RASSF8: variants seen among roughly 807,000 people sequenced by gnomAD.
RASSF8 encodes ras association domain-containing protein 8.
Under a neutral mutation model 48.5 loss-of-function variants are expected in RASSF8, and 22 were observed. The ratio of observed to expected loss-of-function variants is 0.45; its 90% confidence interval spans 0.32 to 0.65. The LOEUF (loss-of-function observed/expected upper bound fraction) is 0.65. Ranked by LOEUF, RASSF8 falls within the 30% of genes least tolerant of loss-of-function variation. The probability of loss-of-function intolerance (pLI) is 0.03; values close to 1 mark genes in which losing one functional copy is unlikely to be tolerated. For missense variants in RASSF8, 418 were observed against 489.2 expected (o/e 0.85, Z 1.37); for synonymous variants, 127 against 171.5 (o/e 0.74, Z 2.03).
At chr12:26,077,776 TACTG>T (rs1353873373), downstream of RASSF8, among the ~76,000 whole-genome samples, 1 of 152,224 alleles carries the variant, frequency 6.6e-6, no homozygotes. Flanking sequence ...AACTTCATCT[TACTG>T]AATCATTGAA....
At chr12:26,016,641 A>G (rs1162793434) in intron 2 of RASSF8, among the ~76,000 whole-genome samples, 1 of 152,166 alleles carries the variant, frequency 6.6e-6, no homozygotes, top group Non-Finnish European at 1.5e-5. Flanking sequence ...TAAAATTTCT[A>G]AAAATCAACA....
At position 26,069,552 on chromosome 12, in the gene RASSF8, CTG is replaced by C. The variant is rs1386728287; in HGVS notation, c.*736_*737del. ...TAAAACATTTGCAGTGTTTCAGACA[CTG>C]TTGAACAAAAATGTAATTGGTAAGT... On this transcript the variant is annotated 3_prime_UTR_variant, in exon 6 of 6. Coordinates refer to ENST00000689635, the MANE Select transcript of RASSF8 (RefSeq NM_001394098.1). 1.0e-6 allele frequency: 1 copy of C among 985,304 alleles called. No homozygotes were observed. Among genetic ancestry groups the C allele is most frequent in the African/African-American group, 1.7e-5 (1 of 57,240 alleles). The allele number at this position is 985,304 out of a possible 1,614,324, so 61.0% of individuals were successfully genotyped here.
At chr12:25,990,736 T>C (rs1941994970) in intron 1 of RASSF8, among the ~76,000 whole-genome samples, 1 of 152,248 alleles carries the variant, frequency 6.6e-6, no homozygotes, top group African/African-American at 2.4e-5. Context: ...CACTCTTTTA[T>C]TAGACAACAA....
At chr12:25,999,669 CAG>C (rs1177631069) in intron 2 of RASSF8, among the ~76,000 whole-genome samples, 3 of 152,148 alleles carry the variant, frequency 2.0e-5, no homozygotes, top group African/African-American at 7.2e-5. Flanking sequence ...CCCTGGGTGA[CAG>C]AGAGTACTAT....
At chr12:26,027,439 A>T (rs1461361940) in intron 2 of RASSF8, among the ~76,000 whole-genome samples, 1 of 152,246 alleles carries the variant, frequency 6.6e-6, no homozygotes, top group Non-Finnish European at 1.5e-5. Context: ...AAGACACTGA[A>T]GGGTCAGCAG....
chr12:25,966,247 A>T (rs1219008904), intron 1 of RASSF8, among the ~76,000 whole-genome samples: 2 of 151,978 alleles, frequency 1.3e-5, no homozygotes, highest in African/African-American at 2.4e-5. Context: ...GTGGGTTTTT[A>T]AAATTTTTAT....
At chr12:26,015,891 C>T (rs1235909919) in intron 2 of RASSF8, among the ~76,000 whole-genome samples, 4 of 151,996 alleles carry the variant, frequency 2.6e-5, no homozygotes, top group Non-Finnish European at 4.4e-5. Context: ...GAACACAAGG[C>T]GGCACTTCTC....
chr12:25,962,240 G>A (rs1047163417), intron 1 of RASSF8, among the ~76,000 whole-genome samples: 2 of 152,230 alleles, frequency 1.3e-5, no homozygotes, highest in African/African-American at 2.4e-5. Flanking sequence ...CTAGCCTCAG[G>A]CCTGTGGCTC....
intron 2 of RASSF8, among the ~76,000 whole-genome samples, chr12:25,999,592 A>G (rs1308744490): frequency 6.6e-6 from 1 of 152,134 alleles, no homozygotes; most frequent in East Asian, 1.9e-4. Flanking sequence ...AGCTGGGCAC[A>G]GGATTGCAAC....
Position 26,072,722 on chromosome 12 carries a change from A to G in RASSF8, c.*3904A>G. On this transcript the variant is annotated 3_prime_UTR_variant, in exon 6 of 6. Coordinates refer to ENST00000689635, the MANE Select transcript of RASSF8 (RefSeq NM_001394098.1). ...TTTAGTACTGCTTTGCTTATGTACAAATAAATCTGTAATATGTATTATATG... is the reference window on the plus strand; with the variant it reads ...TTTAGTACTGCTTTGCTTATGTACAGATAAATCTGTAATATGTATTATATG... 3 of 971,432 alleles carry G rather than the reference A, an allele frequency of 3.1e-6. No individual in the cohort carries two copies. The highest frequency in any genetic ancestry group is 2.4e-6 in the Non-Finnish European group (2 of 817,204). 60.2% of individuals were successfully genotyped at this position (971,432 alleles called of 1,614,324 possible).
intron 1 of RASSF8, among the ~76,000 whole-genome samples, chr12:25,971,256 C>G (rs1440179323): frequency 1.3e-5 from 2 of 152,214 alleles, no homozygotes; most frequent in Non-Finnish European, 2.9e-5. Context: ...TTAAAACTCT[C>G]TGGAAACACA....
In RASSF8 at chr12:26,065,264, G is replaced by A. The variant is rs79553120; in HGVS notation, c.870G>A (p.Glu290=). ...AAGAGGCACAGGTCAATGAGGAAGA[G>A]GTTAAAGGAAAGATCGGTAAGGTCA... ...EVQEAQVNEE[E]VKGKIGKVKG... is the part of the protein sequence containing the mutation. Residue 290 remains glutamate (E), a synonymous_variant, in exon 4 of 6, where the codon GAG becomes GAA. Coordinates refer to ENST00000689635, the MANE Select transcript of RASSF8 (RefSeq NM_001394098.1). The A allele has an allele frequency of 1.2e-3, 1,876 of 1,614,144 alleles. 26 individuals are homozygous for A. In the East Asian group the frequency reaches 0.034, roughly 29 times the overall value.
intron 1 of RASSF8, among the ~76,000 whole-genome samples, chr12:25,965,726 C>G (rs1941345985): frequency 6.6e-6 from 1 of 152,144 alleles, no homozygotes; most frequent in Non-Finnish European, 1.5e-5. Flanking sequence ...CACTGGTCTG[C>G]TGTCACTATA....
chr12:25,990,869 G>A (rs1941998399), intron 1 of RASSF8, among the ~76,000 whole-genome samples: 4 of 152,038 alleles, frequency 2.6e-5, no homozygotes, highest in South Asian at 2.1e-4. Flanking sequence ...AATTTCAAAC[G>A]GGTTTTCTCT....
At chr12:26,067,884 G>C (rs1230929785) in intron 5 of RASSF8, among the ~76,000 whole-genome samples, 171 bp downstream of exon 5, 1 of 152,046 alleles carries the variant, frequency 6.6e-6, no homozygotes, top group African/African-American at 2.4e-5. Context: ...TCCTACCTCA[G>C]CCTCCTGTAG....
intron 2 of RASSF8, among the ~76,000 whole-genome samples, chr12:26,014,479 A>G (rs1368859066): frequency 6.6e-6 from 1 of 152,248 alleles, no homozygotes; most frequent in Non-Finnish European, 1.5e-5. Context: ...ACAGACACAC[A>G]GCATTTTTCT....
chr12:26,015,302 G>A lies in RASSF8; in HGVS notation c.-109+20172G>A, dbSNP rs190043219. Among the ~76,000 whole-genome samples, 432 of 152,148 alleles carry A rather than the reference G, an allele frequency of 2.8e-3. 1 individual carries two copies. Among genetic ancestry groups the A allele is most frequent in the Non-Finnish European group, 5.0e-3 (340 of 68,006 alleles). The stretch of plus-strand genomic sequence containing the variant: ...GCTGCACCTACTGCAAGATTATTGA[G>A]GAGCACTTTGTCATGGAGATCAGGG... On this transcript the variant is annotated intron_variant, in intron 2 of 5. Transcript: ENST00000689635.
chr12:26,045,972 G>A (rs991900933), intron 2 of RASSF8, among the ~76,000 whole-genome samples: 2 of 152,122 alleles, frequency 1.3e-5, no homozygotes, highest in African/African-American at 4.8e-5. Flanking sequence ...GAAGAAAAGT[G>A]ATTCTATTTT....
chr12:26,046,902 T>C (rs558317794), intron 2 of RASSF8, among the ~76,000 whole-genome samples: 1 of 152,200 alleles, frequency 6.6e-6, no homozygotes, highest in Non-Finnish European at 1.5e-5. Context: ...TAGGAGTGTA[T>C]TATACTCACT....
Sources: gnomAD v4.1 joint callset for allele counts (sites outside exome capture counted in the v4.1 genomes callset) on GRCh38, gnomAD v4.1.1 for gene constraint, MANE v1.5 for transcripts, NCBI Gene and HGNC (gene_info 2026-07-23, HGNC 2026-07-21) for gene names.